CNTN6: variants seen among roughly 807,000 people sequenced by gnomAD.
CNTN6 encodes the protein contactin 6.
A neutral mutation model predicts 122.8 loss-of-function variants in CNTN6; 137 were observed. The observed-to-expected ratio is 1.12, with a 90% confidence interval of 0.97 to 1.29. The LOEUF (loss-of-function observed/expected upper bound fraction) is 1.29. Ranked by LOEUF, CNTN6 falls within the 50% of genes most tolerant of loss-of-function variation. CNTN6 has a pLI of 0.00. For missense variants in CNTN6, 1,634 were observed against 1,223.4 expected (o/e 1.34, Z -5.01); for synonymous variants, 570 against 426.0 (o/e 1.34, Z -4.16).
chr3:1,352,237 T>C (rs901921921), intron 11 of CNTN6, 87 bp from the exon 12 acceptor site: 1 of 1,219,702 alleles, frequency 8.2e-7, no homozygotes, highest in Admixed American at 2.8e-5. Flanking sequence ...CCCATGATTT[T>C]AGTAAAGTTT....
chr3:1,176,545 A>G (rs1490235876), intron 2 of CNTN6, among the ~76,000 whole-genome samples: 1 of 152,180 alleles, frequency 6.6e-6, no homozygotes, highest in African/African-American at 2.4e-5. Flanking sequence ...CAAACTAGGG[A>G]GTATGGAATC....
intron 8 of CNTN6, among the ~76,000 whole-genome samples, chr3:1,323,167 T>G (rs192714061): frequency 6.6e-6 from 1 of 151,782 alleles, no homozygotes; most frequent in African/African-American, 2.4e-5. Context: ...CATTCACTTA[T>G]AGAATTCTTA....
At chr3:1,283,009 G>T (rs764151317) in intron 5 of CNTN6, among the ~76,000 whole-genome samples, 3 of 152,122 alleles carry the variant, frequency 2.0e-5, no homozygotes, top group African/African-American at 7.2e-5. Context: ...GTCTCGCCCT[G>T]TTGCCCAGGC....
intron 11 of CNTN6, among the ~76,000 whole-genome samples, chr3:1,348,542 C>G (rs1488386074): frequency 1.3e-5 from 2 of 151,960 alleles, no homozygotes; most frequent in African/African-American, 4.8e-5. Context: ...GATTTTAAAT[C>G]TTCAATATTA....
chr3:1,265,976 A>G (rs1406789502), intron 4 of CNTN6, among the ~76,000 whole-genome samples: 1 of 152,090 alleles, frequency 6.6e-6, no homozygotes, highest in Non-Finnish European at 1.5e-5. Flanking sequence ...CACAAATAGA[A>G]CAAAACTTTA....
intron 12 of CNTN6, among the ~76,000 whole-genome samples, chr3:1,364,272 A>T (rs1214304347): frequency 6.6e-6 from 1 of 151,940 alleles, no homozygotes; most frequent in Non-Finnish European, 1.5e-5. Flanking sequence ...GAATTTTGTC[A>T]CCTATTTGAA....
intron 1 of CNTN6, among the ~76,000 whole-genome samples, chr3:1,102,964 G>C (rs892287731): frequency 6.7e-6 from 1 of 149,404 alleles, no homozygotes; most frequent in Admixed American, 6.6e-5. Flanking sequence ...GAAATTAGCC[G>C]GGCGTGGTGG....
chr3:1,151,926 A>C (rs961982215), intron 2 of CNTN6, among the ~76,000 whole-genome samples: 1 of 152,202 alleles, frequency 6.6e-6, no homozygotes, highest in African/African-American at 2.4e-5. Flanking sequence ...CAAGAGGTTT[A>C]ATATAGACTA....
intron 5 of CNTN6, among the ~76,000 whole-genome samples, chr3:1,278,880 C>T (rs1692887569): frequency 6.6e-6 from 1 of 152,118 alleles, no homozygotes. Context: ...AAAATAGAGA[C>T]ATTAACTGTT....
chr3:1,106,258 C>G (rs1448453142), intron 1 of CNTN6, among the ~76,000 whole-genome samples: 2 of 152,078 alleles, frequency 1.3e-5, no homozygotes, highest in African/African-American at 4.8e-5. Context: ...TCTTCAAAAA[C>G]CCTCCCCAAA....
intron 19 of CNTN6, among the ~76,000 whole-genome samples, chr3:1,384,796 T>TATAC (rs1224742660): frequency 3.9e-4 from 52 of 133,800 alleles, no homozygotes; most frequent in Middle Eastern, 3.7e-3. Flanking sequence ...TATATATATA[T>TATAC]ACACACACAC....
intron 2 of CNTN6, among the ~76,000 whole-genome samples, chr3:1,177,309 A>T (rs1424096264): frequency 6.6e-5 from 10 of 152,166 alleles, no homozygotes; most frequent in South Asian, 6.2e-4. Flanking sequence ...TGTCTACCTT[A>T]ATTTTCTCAA....
rs143986839 is a variant in CNTN6 at position 1,220,798 on chromosome 3, C to T, written c.167C>T (p.Pro56Leu). Residue 56 changes from proline (P) to leucine (L), a missense_variant, in exon 3 of 23, where the codon CCT (proline) becomes CTT (leucine). Transcript: ENST00000446702. ...VILNCAANGY[P>L]SPHYRWKQNG... ...CTGAATTGTGCTGCTAATGGTTACC[C>T]TTCGCCTCATTATAGGTAAAATCCT... 2 of 1,605,676 alleles carry T rather than the reference C, an allele frequency of 1.2e-6. No individual in the cohort carries two copies. The highest frequency in any genetic ancestry group is 1.7e-6 in the Non-Finnish European group (2 of 1,176,868).
At chr3:1,364,731 T>C (rs931920899) in intron 12 of CNTN6, among the ~76,000 whole-genome samples, 5 of 151,924 alleles carry the variant, frequency 3.3e-5, no homozygotes, top group African/African-American at 1.2e-4. Flanking sequence ...AGTCTTCATG[T>C]CTGCTGGGGT....
At chr3:1,378,405 C>T (rs1198204591) in intron 17 of CNTN6, among the ~76,000 whole-genome samples, 2 of 152,098 alleles carry the variant, frequency 1.3e-5, no homozygotes, top group African/African-American at 2.4e-5. Context: ...GAACCAGAGA[C>T]GTTATTCTTT....
chr3:1,247,037 G>T (rs2094592036), intron 4 of CNTN6, among the ~76,000 whole-genome samples: 1 of 151,892 alleles, frequency 6.6e-6, no homozygotes, highest in African/African-American at 2.4e-5. Flanking sequence ...CAATCTATTG[G>T]TCTTTTTCTT....
chr3:1,156,348 CTT>C (rs2092961791), intron 2 of CNTN6, among the ~76,000 whole-genome samples: 1 of 152,206 alleles, frequency 6.6e-6, no homozygotes, highest in African/African-American at 2.4e-5. Context: ...TTTCCACACT[CTT>C]TGCTTAGAAT....
At chr3:1,372,020 T>A (rs967967451) in intron 12 of CNTN6, among the ~76,000 whole-genome samples, 1 of 152,204 alleles carries the variant, frequency 6.6e-6, no homozygotes. Context: ...CAGTGCATCC[T>A]GTATATATGG....
At chr3:1,402,550 C>G in intron 22 of CNTN6, 64 bp downstream of exon 22, 6 of 1,370,694 alleles carry the variant, frequency 4.4e-6, no homozygotes, top group Non-Finnish European at 6.0e-6. Flanking sequence ...TGAAATTCAG[C>G]TCCATGAAAC....
Sources: gnomAD v4.1 joint callset for allele counts (sites outside exome capture counted in the v4.1 genomes callset) on GRCh38, gnomAD v4.1.1 for gene constraint, MANE v1.5 for transcripts, NCBI Gene and HGNC (gene_info 2026-07-23, HGNC 2026-07-21) for gene names.